Variants in MYO1D observed in about 807,000 individuals in gnomAD.
The protein encoded by MYO1D is unconventional myosin-Id.
In MYO1D, 83 loss-of-function variants were observed where a neutral mutation model predicts 122.0. That is an observed-to-expected ratio of 0.68 (90% CI 0.57 to 0.82). The LOEUF (loss-of-function observed/expected upper bound fraction) is 0.82, where lower values mean the gene tolerates loss of function less well. MYO1D is among the 40% of genes least tolerant of loss of function. MYO1D has a pLI of 0.00. For missense variants in MYO1D, 1,157 were observed against 1,269.5 expected (o/e 0.91, Z 1.35); for synonymous variants, 464 against 446.9 (o/e 1.04, Z -0.48).
chr17:32,504,920 C>T (rs1302641299), intron 21 of MYO1D: 1 of 152,502 alleles, frequency 6.6e-6, no homozygotes, highest in African/African-American at 2.4e-5. Flanking sequence ...GGCAGGCAGC[C>T]CCGCTCCCGC....
chr17:32,627,107 T>C (rs752358093), intron 20 of MYO1D, among the ~76,000 whole-genome samples: 2 of 152,200 alleles, frequency 1.3e-5, no homozygotes, highest in Non-Finnish European at 2.9e-5. Flanking sequence ...ATGTTTAAAA[T>C]AATACAGCTC....
At chr17:32,702,653 A>C (rs1598022687) in intron 16 of MYO1D, among the ~76,000 whole-genome samples, 1 of 152,328 alleles carries the variant, frequency 6.6e-6, no homozygotes, top group African/African-American at 2.4e-5. Flanking sequence ...ATCATCCTCT[A>C]ATTAGGAATC....
chr17:32,717,288 G>T (rs1024973816), intron 15 of MYO1D, among the ~76,000 whole-genome samples: 1 of 152,224 alleles, frequency 6.6e-6, no homozygotes, highest in South Asian at 2.1e-4. Flanking sequence ...GTTAATCACG[G>T]TCTATAATAT....
chr17:32,864,704 AAATAG>A (rs1192645627), intron 1 of MYO1D, among the ~76,000 whole-genome samples: 1 of 152,230 alleles, frequency 6.6e-6, no homozygotes, highest in Non-Finnish European at 1.5e-5. Flanking sequence ...TATATACATA[AAATAG>A]AATACATTAA....
In MYO1D at chr17:32,760,481, C is replaced by G; in HGVS notation, c.1181+1G>C. ...GGTTTTAAGTATCTTTTCCAGTTTA[C>G]CTGTTGTTGTCAAAGATTTCAAAGC... On this transcript the variant is annotated splice_donor_variant, in intron 9 of 21. Coordinates refer to ENST00000318217, the MANE Select transcript of MYO1D (RefSeq NM_015194.3). LOFTEE classifies it high-confidence loss of function. 6.2e-7 allele frequency: 1 copy of G among 1,612,514 alleles called. No homozygotes were observed. The highest frequency in any genetic ancestry group is 8.5e-7 in the Non-Finnish European group (1 of 1,179,140).
At chr17:32,550,972 AAG>A (rs1491424958) in intron 21 of MYO1D, among the ~76,000 whole-genome samples, 8 of 139,108 alleles carry the variant, frequency 5.8e-5, no homozygotes, top group African/African-American at 1.9e-4. Flanking sequence ...TGTCAAAAAA[AAG>A]AGAAAGAAAT....
At chr17:32,853,405 G>A (rs1332866679) in intron 1 of MYO1D, among the ~76,000 whole-genome samples, 2 of 152,160 alleles carry the variant, frequency 1.3e-5, no homozygotes, top group African/African-American at 4.8e-5. Context: ...CATAGGATTT[G>A]ATGAATTTAT....
chr17:32,839,163 G>A (rs1598145030), intron 1 of MYO1D, among the ~76,000 whole-genome samples: 1 of 152,128 alleles, frequency 6.6e-6, no homozygotes, highest in East Asian at 1.9e-4. Flanking sequence ...AGAACTAAAG[G>A]AAAGCAAAAG....
At chr17:32,771,927 A>C (rs921660649) in intron 5 of MYO1D, among the ~76,000 whole-genome samples, 1 of 152,224 alleles carries the variant, frequency 6.6e-6, no homozygotes, top group African/African-American at 2.4e-5. Flanking sequence ...GGAAGGTATT[A>C]GGTTTAAATT....
intron 16 of MYO1D, among the ~76,000 whole-genome samples, chr17:32,694,138 C>T (rs934546211): frequency 2.0e-5 from 3 of 152,180 alleles, no homozygotes; most frequent in Admixed American, 6.5e-5. Flanking sequence ...AAATGTCTTA[C>T]GGAAAATTAA....
intron 16 of MYO1D, among the ~76,000 whole-genome samples, chr17:32,708,177 A>G (rs905434478): frequency 6.6e-6 from 1 of 152,218 alleles, no homozygotes; most frequent in African/African-American, 2.4e-5. Context: ...ATGTGGGGAA[A>G]AAAGATAGTA....
intron 14 of MYO1D, among the ~76,000 whole-genome samples, chr17:32,721,880 T>C (rs1296868277): frequency 1.3e-5 from 2 of 152,208 alleles, no homozygotes; most frequent in Non-Finnish European, 2.9e-5. Context: ...CCTGGTACAC[T>C]GAAGATAATG....
intron 1 of MYO1D, among the ~76,000 whole-genome samples, chr17:32,795,899 G>A (rs1481177861): frequency 2.0e-5 from 3 of 146,862 alleles, no homozygotes; most frequent in African/African-American, 7.7e-5. Context: ...GCCATTTTAG[G>A]CCTCAGCCCG....
intron 14 of MYO1D, among the ~76,000 whole-genome samples, chr17:32,730,597 T>C (rs1464285999): frequency 1.3e-5 from 2 of 152,236 alleles, no homozygotes; most frequent in Non-Finnish European, 2.9e-5. Context: ...TCCCTGGGTA[T>C]AGAATTTGGT....
chr17:32,827,187 C>G (rs985286938), intron 1 of MYO1D, among the ~76,000 whole-genome samples: 1 of 152,160 alleles, frequency 6.6e-6, no homozygotes, highest in Non-Finnish European at 1.5e-5. Context: ...TATGAACACA[C>G]AATGGAATAT....
chr17:32,864,636 T>C (rs1399084424), intron 1 of MYO1D, among the ~76,000 whole-genome samples: 1 of 147,210 alleles, frequency 6.8e-6, no homozygotes, highest in African/African-American at 2.5e-5. Context: ...CCAAGAGCAA[T>C]GGTAATTTCA....
intron 1 of MYO1D, among the ~76,000 whole-genome samples, chr17:32,856,969 A>G (rs1398979459): frequency 6.6e-6 from 1 of 152,112 alleles, no homozygotes; most frequent in Admixed American, 6.5e-5. Flanking sequence ...ATTCCTTTCC[A>G]TATGTATGAA....
chr17:32,654,433 T>A, intron 18 of MYO1D, 44 bp downstream of exon 18: 1 of 1,545,516 alleles, frequency 6.5e-7, no homozygotes, highest in Non-Finnish European at 8.7e-7. Context: ...TCTTTTTTAG[T>A]AGAGGAAGTA....
intron 1 of MYO1D, among the ~76,000 whole-genome samples, chr17:32,801,324 T>C (rs2090458718): frequency 6.6e-6 from 1 of 152,220 alleles, no homozygotes; most frequent in Non-Finnish European, 1.5e-5. Context: ...TTCGTCTAAG[T>C]TTAAAAAGTC....
Sources: allele counts gnomAD v4.1 joint callset (sites outside exome capture counted in the v4.1 genomes callset), GRCh38; gene constraint gnomAD v4.1.1; transcripts MANE v1.5; gene names NCBI Gene and HGNC (gene_info 2026-07-23, HGNC 2026-07-21).